SMARCA4: variants seen among roughly 807,000 people sequenced by gnomAD.
SMARCA4 encodes the protein SWI/SNF related BAF chromatin remodeling complex subunit ATPase 4.
A neutral mutation model predicts 193.9 loss-of-function variants in SMARCA4; 31 were observed. The observed-to-expected ratio is 0.16, with a 90% confidence interval of 0.12 to 0.22. The LOEUF is 0.22. Ranked by LOEUF, SMARCA4 falls within the 10% of genes least tolerant of loss-of-function variation. The pLI is 1.00. For missense variants in SMARCA4, 1,148 were observed against 2,296.0 expected (o/e 0.50, Z 10.22); for synonymous variants, 942 against 933.1 (o/e 1.01, Z -0.17).
chr19:10,992,984 CTTT>C (rs758452838), intron 8 of SMARCA4, among the ~76,000 whole-genome samples: 3 of 109,344 alleles, frequency 2.7e-5, no homozygotes, highest in Non-Finnish European at 3.8e-5. Context: ...TAAAACTTTG[CTTT>C]TTTTTTTTTT....
At chr19:11,014,226 G>A (rs1243638209) in intron 16 of SMARCA4, among the ~76,000 whole-genome samples, 5 of 152,130 alleles carry the variant, frequency 3.3e-5, no homozygotes, top group Non-Finnish European at 7.3e-5. Context: ...GCATGCCCAT[G>A]CTCCAACCCC....
chr19:11,060,142 C>G lies in SMARCA4; in HGVS notation c.4866C>G (p.Ala1622=), dbSNP rs1600649152. The part of the protein sequence containing the change: ...GRRRPSRGSR[A]KPVVSDDDSE... Reference sequence around the variant, plus strand: ...GGCGGCCGAGCCGAGGGTCCCGAGCCAAGCCGGTCGTGAGTGACGATGACA... The same window carrying G: ...GGCGGCCGAGCCGAGGGTCCCGAGCGAAGCCGGTCGTGAGTGACGATGACA... Residue 1622 remains alanine (A), a synonymous_variant, in exon 34 of 35, where the codon GCC becomes GCG. Transcript: ENST00000344626. 10 of 1,551,130 alleles carry G rather than the reference C, an allele frequency of 6.4e-6. No individual in the cohort carries two copies. The East Asian group carries it at 2.4e-4, about 38-fold the overall frequency.
At chr19:11,020,047 C>T (rs1375647293) in intron 18 of SMARCA4, among the ~76,000 whole-genome samples, 5 of 152,220 alleles carry the variant, frequency 3.3e-5, no homozygotes, top group Admixed American at 2.6e-4. Flanking sequence ...CAGTCTTGTC[C>T]TCCTGTCTCA....
At position 10,984,205 on chromosome 19, in the gene SMARCA4, G is replaced by A. The variant is rs529632222; in HGVS notation, c.54G>A (p.Pro18=). The change falls in exon 2 of 35, where the codon CCG becomes CCA. Residue 18 remains proline (P), a synonymous_variant. Coordinates refer to ENST00000344626, the MANE Select transcript of SMARCA4 (RefSeq NM_003072.5). The surrounding 1 kb of genome is among the most constrained non-coding windows in gnomAD (Gnocchi z 4.3). ...GAACTCCTCGGCCAGGTCCTTCCCC[G>A]GGCCCTGGCCCTTCCCCTGGAGCCA... ...LGGTPRPGPS[P]GPGPSPGAML... 1.9e-4 allele frequency: 309 copies of A among 1,612,374 alleles called. 2 individuals are homozygous for A. The South Asian group carries it at 3.0e-3, about 16-fold the overall frequency.
intron 20 of SMARCA4, among the ~76,000 whole-genome samples, chr19:11,023,891 G>A (rs1056656686): frequency 6.6e-6 from 1 of 152,226 alleles, no homozygotes; most frequent in Non-Finnish European, 1.5e-5. Context: ...GTGCCTGTGC[G>A]GGCTCTCCTG....
intron 30 of SMARCA4, among the ~76,000 whole-genome samples, chr19:11,056,010 G>A (rs1396278389): frequency 1.3e-5 from 2 of 152,174 alleles, no homozygotes; most frequent in Non-Finnish European, 2.9e-5. Flanking sequence ...AGTGTAAAGC[G>A]CAACTCTTGC....
At chr19:11,050,642 C>A (rs1461425786) in intron 30 of SMARCA4, among the ~76,000 whole-genome samples, 1 of 152,248 alleles carries the variant, frequency 6.6e-6, no homozygotes, top group Non-Finnish European at 1.5e-5. Context: ...TCCCTCCTGG[C>A]TCTTCAGAGT....
intron 30 of SMARCA4, among the ~76,000 whole-genome samples, chr19:11,053,383 C>T (rs918180540): frequency 4.2e-5 from 6 of 141,690 alleles, no homozygotes; most frequent in Non-Finnish European, 6.0e-5. Context: ...ACTCGGGAGG[C>T]GGAGGTTTCA....
At chr19:11,026,577 G>C (rs1417495964) in intron 23 of SMARCA4, among the ~76,000 whole-genome samples, 1 of 144,158 alleles carries the variant, frequency 6.9e-6, no homozygotes, top group Non-Finnish European at 1.5e-5. Flanking sequence ...TCGGCTCACT[G>C]CAACCTCTGC....
chr19:11,019,340 C>G lies in SMARCA4; in HGVS notation c.2506-251C>G, dbSNP rs2089651267. On this transcript the variant is annotated intron_variant, in intron 17 of 34. Transcript: ENST00000344626. The surrounding 1 kb of genome is among the most constrained non-coding windows in gnomAD (Gnocchi z 6.1). Reference sequence around the variant, plus strand: ...CACCAGGAATGTGCAGATGGCGGTGCAGGCTGCGTGGTTCCCTCAGGCCCC... The same window carrying G: ...CACCAGGAATGTGCAGATGGCGGTGGAGGCTGCGTGGTTCCCTCAGGCCCC... The G allele has an allele frequency of 3.3e-6, 2 of 605,032 alleles. No individual in the cohort carries two copies. The highest frequency in any genetic ancestry group is 1.8e-5 in the African/African-American group (1 of 54,184). 37.5% of individuals were successfully genotyped at this position (605,032 alleles called of 1,614,324 possible). A position where few individuals can be genotyped will look rare whatever the true frequency, so the allele number is the denominator to read the frequency against.
At chr19:10,968,594 A>G (rs1356258328) in intron 1 of SMARCA4, among the ~76,000 whole-genome samples, 1 of 151,634 alleles carries the variant, frequency 6.6e-6, no homozygotes, top group Non-Finnish European at 1.5e-5. Flanking sequence ...GTGATCCTCC[A>G]GCCTCCACTT....
chr19:10,962,764 A>C lies in SMARCA4; in HGVS notation c.-32+1590A>C, dbSNP rs145648099. 2.3e-3 allele frequency among the ~76,000 whole-genome samples: 353 copies of C among 152,152 alleles called. 3 individuals carry two copies. Among genetic ancestry groups the C allele is most frequent in the Non-Finnish European group, 3.6e-3 (247 of 67,984 alleles). ...TACCATGTTGGCCAGGCTGGTCTCA[A>C]ACTCCTGACTTAAGGTGATCCACCC... On this transcript the variant is annotated intron_variant, in intron 1 of 34. Transcript: ENST00000344626.
chr19:10,977,814 CTG>C (rs1481911407), intron 1 of SMARCA4: 2 of 152,368 alleles, frequency 1.3e-5, no homozygotes, highest in African/African-American at 4.8e-5. Context: ...CACTTCCTGC[CTG>C]TGAGTGATGG....
At chr19:11,059,655 A>AG in intron 32 of SMARCA4, 98 bp from the exon 33 acceptor site, 1 of 1,380,928 alleles carries the variant, frequency 7.2e-7, no homozygotes, top group Non-Finnish European at 1.0e-6. Context: ...TCAGCTGTCC[A>AG]GGGGCAACAC....
chr19:11,014,631 T>C (rs1253852340), intron 16 of SMARCA4, among the ~76,000 whole-genome samples: 1 of 152,138 alleles, frequency 6.6e-6, no homozygotes, highest in Non-Finnish European at 1.5e-5. Flanking sequence ...ATGGGTGCAG[T>C]GGCAGTCGCC....
At chr19:11,004,439 T>TG (rs1408351883) in intron 13 of SMARCA4, among the ~76,000 whole-genome samples, 1 of 151,948 alleles carries the variant, frequency 6.6e-6, no homozygotes, top group Admixed American at 6.6e-5. Flanking sequence ...TTAGTAGAGA[T>TG]GGGGTTCCAC....
intron 1 of SMARCA4, among the ~76,000 whole-genome samples, chr19:10,969,505 AC>A (rs2084508807): frequency 6.6e-6 from 1 of 151,562 alleles, no homozygotes; most frequent in Non-Finnish European, 1.5e-5. Context: ...GTCTCGGCTC[AC>A]TGAAACCTCC....
chr19:10,998,222 G>T (rs542262130), intron 11 of SMARCA4, among the ~76,000 whole-genome samples: 7 of 152,294 alleles, frequency 4.6e-5, no homozygotes, highest in Admixed American at 2.6e-4. Context: ...CCCGGACTTT[G>T]GTTTGTCTGA....
intron 21 of SMARCA4, 73 bp from the exon 22 acceptor site, chr19:11,025,349 C>G: frequency 3.2e-6 from 3 of 950,300 alleles, no homozygotes; most frequent in Non-Finnish European, 5.2e-6. Flanking sequence ...CTCCCAACAC[C>G]CACCCATCCA....
Sources: allele counts gnomAD v4.1 joint callset (sites outside exome capture counted in the v4.1 genomes callset), GRCh38; gene constraint gnomAD v4.1.1; non-coding constraint Gnocchi (gnomAD v3.1); transcripts MANE v1.5; gene names NCBI Gene and HGNC (gene_info 2026-07-23, HGNC 2026-07-21).